The following PATJ variants were observed in gnomAD, a reference collection of about 807,000 sequenced individuals.
PATJ encodes the protein PATJ crumbs cell polarity complex component.
A neutral mutation model predicts 224.9 loss-of-function variants in PATJ; 190 were observed. The observed-to-expected ratio is 0.84, with a 90% CI of 0.75 to 0.95. The LOEUF (loss-of-function observed/expected upper bound fraction) is 0.95, where lower values mean the gene tolerates loss of function less well. Among genes scored for constraint, PATJ ranks in the 40% least tolerant of loss-of-function variants. PATJ has a pLI of 0.00. For synonymous variants in PATJ, 769 were observed against 820.3 expected, an observed-to-expected ratio of 0.94 and a Z score of 1.07; for missense variants, 2,121 against 2,270.3, an observed-to-expected ratio of 0.93 and a Z score of 1.34.
At chr1:62,116,752 A>T in intron 36 of PATJ, 73 bp downstream of exon 36, 1 of 1,422,854 alleles carries the variant, frequency 7.0e-7, no homozygotes, top group South Asian at 1.4e-5. Context: ...GTCTAGCTTG[A>T]TTATAAAATG....
chr1:61,977,307 C>T (rs2149486548), intron 27 of PATJ, among the ~76,000 whole-genome samples: 1 of 152,148 alleles, frequency 6.6e-6, no homozygotes, highest in African/African-American at 2.4e-5. Context: ...CCAGGCTGAT[C>T]TCGAACTCCT....
chr1:61,992,380 A>C (rs1645119668), intron 28 of PATJ, among the ~76,000 whole-genome samples: 1 of 152,082 alleles, frequency 6.6e-6, no homozygotes, highest in African/African-American at 2.4e-5. Flanking sequence ...AGCCTCCTAA[A>C]GTGCTGGGAT....
rs60892233 is a variant in PATJ at position 62,070,554 on chromosome 1, A to G, written c.4126-8896A>G. Among the ~76,000 whole-genome samples, 700 of 152,344 alleles carry G rather than the reference A, an allele frequency of 4.6e-3. 9 individuals carry two copies. Among genetic ancestry groups the G allele is most frequent in the African/African-American group, 0.016 (672 of 41,586 alleles). ...CACATACATAAAAAGATACAATATA[A>G]TCTTGCAAATAAGTGATAAAATTCA... On this transcript the variant is annotated intron_variant, in intron 31 of 43. Transcript: ENST00000642238.
intron 29 of PATJ, among the ~76,000 whole-genome samples, chr1:62,034,594 G>A (rs184212808): frequency 1.3e-5 from 2 of 152,098 alleles, no homozygotes; most frequent in South Asian, 4.1e-4. Context: ...TTTGGTTGCC[G>A]TCTTCCTACT....
chr1:61,906,201 G>A (rs757009098), intron 24 of PATJ, among the ~76,000 whole-genome samples: 5 of 152,110 alleles, frequency 3.3e-5, no homozygotes, highest in Non-Finnish European at 7.4e-5. Context: ...GCAGAGGAGG[G>A]CACAGAGCAT....
At chr1:61,835,406 G>C (rs1412479100) in intron 17 of PATJ, among the ~76,000 whole-genome samples, 1 of 151,780 alleles carries the variant, frequency 6.6e-6, no homozygotes, top group Admixed American at 6.6e-5. Flanking sequence ...TTGTTTGTTT[G>C]TTTGTTTTCT....
chr1:61,930,034 A>G (rs190433785), intron 27 of PATJ, among the ~76,000 whole-genome samples: 13 of 152,324 alleles, frequency 8.5e-5, no homozygotes, highest in African/African-American at 2.6e-4. Flanking sequence ...TAAATGCAGA[A>G]AAAGACTTCT....
At chr1:62,033,447 C>G (rs1358580192) in intron 29 of PATJ, among the ~76,000 whole-genome samples, 5 of 152,158 alleles carry the variant, frequency 3.3e-5, no homozygotes, top group Admixed American at 2.6e-4. Flanking sequence ...TTCTGAACCC[C>G]TGTTTATCCT....
rs751919460 is a variant in PATJ, at chr1:62,128,959, C to T, written c.5271+14C>T. The T allele has an allele frequency of 3.9e-6, 6 of 1,544,398 alleles. No individual in the cohort carries two copies. The highest frequency in any genetic ancestry group is 4.5e-5 in the East Asian group (2 of 44,378). ...ATTATCCTGCAGGTATTGCGATCAA[C>T]GGAGCACGCAGCTGTGCAAGGCAGA... On this transcript the variant is annotated intron_variant, in intron 41 of 43. Coordinates refer to ENST00000642238, the MANE Select transcript of PATJ (RefSeq NM_001350145.3).
At chr1:62,102,403 C>T (rs1367745143) in intron 33 of PATJ, among the ~76,000 whole-genome samples, 1 of 152,070 alleles carries the variant, frequency 6.6e-6, no homozygotes, top group Admixed American at 6.6e-5. Flanking sequence ...AATCTTTTTT[C>T]TTGGGCTAAA....
intron 7 of PATJ, among the ~76,000 whole-genome samples, chr1:61,777,009 G>C (rs1646953605): frequency 6.6e-6 from 1 of 152,140 alleles, no homozygotes; most frequent in Non-Finnish European, 1.5e-5. Context: ...ACAGGCGTGA[G>C]CCACCGCACC....
At chr1:61,990,390 T>C (rs1209754664) in intron 28 of PATJ, 26 bp downstream of exon 28, 5 of 1,571,100 alleles carry the variant, frequency 3.2e-6, no homozygotes, top group East Asian at 4.6e-5. Context: ...TTTTAACTTA[T>C]CTTTTGGTGA....
chr1:62,093,393 A>G (rs776827647), intron 33 of PATJ, among the ~76,000 whole-genome samples: 19 of 152,204 alleles, frequency 1.2e-4, no homozygotes, highest in Non-Finnish European at 1.9e-4. Flanking sequence ...AGCAGAATAG[A>G]AAGCTATTTT....
intron 22 of PATJ, among the ~76,000 whole-genome samples, chr1:61,888,829 C>G (rs2149097687): frequency 6.6e-6 from 1 of 152,282 alleles, no homozygotes; most frequent in Admixed American, 6.5e-5. Flanking sequence ...CTTTTTCTTT[C>G]AAAATGAGTA....
intron 21 of PATJ, among the ~76,000 whole-genome samples, chr1:61,877,258 C>CTT (rs11405663): frequency 1.3e-3 from 188 of 147,226 alleles, no homozygotes; most frequent in East Asian, 2.8e-3. Context: ...CAGTTCATTA[C>CTT]TTTTTTTTTT....
At chr1:61,827,798 T>A (rs971955819) in intron 16 of PATJ, among the ~76,000 whole-genome samples, 1 of 152,248 alleles carries the variant, frequency 6.6e-6, no homozygotes, top group Non-Finnish European at 1.5e-5. Flanking sequence ...GCAACATTGA[T>A]GCACATGGAT....
chr1:61,980,160 C>T (rs1644372317), intron 27 of PATJ, among the ~76,000 whole-genome samples: 1 of 151,974 alleles, frequency 6.6e-6, no homozygotes, highest in Non-Finnish European at 1.5e-5. Flanking sequence ...AGGCACATGC[C>T]TGTAGTCCCA....
At chr1:61,830,529 TA>T (rs1220428689) in intron 16 of PATJ, among the ~76,000 whole-genome samples, 1 of 151,642 alleles carries the variant, frequency 6.6e-6, no homozygotes, top group African/African-American at 2.4e-5. Flanking sequence ...AGGAAATTTT[TA>T]GAAAAATTTT....
chr1:61,787,437 G>A (rs1648796006), intron 7 of PATJ, among the ~76,000 whole-genome samples: 1 of 152,142 alleles, frequency 6.6e-6, no homozygotes, highest in African/African-American at 2.4e-5. Flanking sequence ...TGAGGCCCTG[G>A]CCTTTCTGTC....
Sources: allele counts gnomAD v4.1 joint callset (sites outside exome capture counted in the v4.1 genomes callset), GRCh38; gene constraint gnomAD v4.1.1; transcripts MANE v1.5; gene names NCBI Gene and HGNC (gene_info 2026-07-23, HGNC 2026-07-21).